The following GRM8 variants were observed in gnomAD, a reference collection of about 807,000 sequenced individuals.
GRM8 encodes glutamate metabotropic receptor 8.
Under a neutral mutation model 87.2 loss-of-function variants are expected in GRM8, and 47 were observed. The observed-to-expected ratio is 0.54, with a 90% CI of 0.43 to 0.69. The LOEUF is 0.69. GRM8 is among the 30% of genes least tolerant of loss of function. The pLI is 0.00. For synonymous variants in GRM8, 396 were observed against 404.5 expected, an observed-to-expected ratio of 0.98 and a Z score of 0.25; for missense variants, 1,019 against 1,139.2, an observed-to-expected ratio of 0.89 and a Z score of 1.52.
Position 127,211,159 on chromosome 7 carries a change from G to T in GRM8, c.510+31536C>A, listed in dbSNP as rs888456304. 5.9e-5 allele frequency among the ~76,000 whole-genome samples: 9 copies of T among 152,154 alleles called. 1 individual carries two copies. Among genetic ancestry groups the T allele is most frequent in the African/African-American group, 1.4e-4 (6 of 41,424 alleles). On this transcript the variant is annotated intron_variant, in intron 2 of 10. Transcript: ENST00000339582. Reference sequence around the variant, plus strand: ...ACCACAAGGCGAGGTCCTACAACAGGCCATTTGCAAGTTGAGGAGCAAGGA... The same window carrying T: ...ACCACAAGGCGAGGTCCTACAACAGTCCATTTGCAAGTTGAGGAGCAAGGA...
rs969365616 is a variant in GRM8, at chr7:126,471,738, G to A, written c.2431-25366C>T. On this transcript the variant is annotated intron_variant, in intron 9 of 10. Coordinates refer to ENST00000339582, the MANE Select transcript of GRM8 (RefSeq NM_000845.3). ...TCCAATTCTGTGAAGAAAGTCATTGGTAGCTTGATGGGGATGGCATTGAAT... is the reference window on the plus strand; with the variant it reads ...TCCAATTCTGTGAAGAAAGTCATTGATAGCTTGATGGGGATGGCATTGAAT... Among the ~76,000 whole-genome samples, 117 of 151,914 alleles carry A rather than the reference G, an allele frequency of 7.7e-4. 1 individual carries two copies. The highest frequency in any genetic ancestry group is 2.7e-3 in the African/African-American group (112 of 41,434).
chr7:127,146,443 A>G lies in GRM8; in HGVS notation c.511-39731T>C, dbSNP rs1587132842. 2.6e-5 allele frequency among the ~76,000 whole-genome samples: 4 copies of G among 152,184 alleles called. No individual in the cohort carries two copies. In the East Asian group the frequency reaches 5.8e-4, roughly 22 times the overall value. ...CTCCACGGCAAAAGTGAGCCTCAGA[A>G]AAAACAGTGTGGGGGTCTCATGGCT... On this transcript the variant is annotated intron_variant, in intron 2 of 10. Coordinates refer to ENST00000339582, the MANE Select transcript of GRM8 (RefSeq NM_000845.3).
At chr7:126,785,330 C>G (rs1172864082) in intron 6 of GRM8, among the ~76,000 whole-genome samples, 1 of 152,122 alleles carries the variant, frequency 6.6e-6, no homozygotes, top group Non-Finnish European at 1.5e-5. Context: ...CTTCTACTTC[C>G]TTATTGCAAT....
At chr7:127,100,683 C>A (rs1825153390) in intron 3 of GRM8, among the ~76,000 whole-genome samples, 1 of 152,152 alleles carries the variant, frequency 6.6e-6, no homozygotes, top group Admixed American at 6.5e-5. Context: ...TTTATTAAAC[C>A]ATCAGACCTC....
chr7:127,136,572 T>A (rs1237764851), intron 2 of GRM8, among the ~76,000 whole-genome samples: 1 of 151,940 alleles, frequency 6.6e-6, no homozygotes, highest in Non-Finnish European at 1.5e-5. Context: ...AAGGGATATA[T>A]TTTTTTATTC....
At chr7:126,511,071 G>A (rs999533042) in intron 9 of GRM8, 3 of 152,110 alleles carry the variant, frequency 2.0e-5, no homozygotes, top group African/African-American at 7.2e-5. Flanking sequence ...TCTACATATT[G>A]AGAAGTCTGC....
intron 9 of GRM8, among the ~76,000 whole-genome samples, chr7:126,493,363 G>C (rs1373227501): frequency 6.6e-6 from 1 of 152,044 alleles, no homozygotes; most frequent in Non-Finnish European, 1.5e-5. Context: ...AAGCAGAGCA[G>C]AGGACAGTGA....
rs543857790 is a variant in GRM8 at position 126,857,117 on chromosome 7, C to A, written c.1156+45425G>T. Among the ~76,000 whole-genome samples the A allele has an allele frequency of 2.0e-5, 3 of 152,300 alleles. No homozygotes were observed. The South Asian group carries it at 6.2e-4, about 32-fold the overall frequency. On this transcript the variant is annotated intron_variant, in intron 6 of 10. Coordinates refer to ENST00000339582, the MANE Select transcript of GRM8 (RefSeq NM_000845.3). ...TCTTAAAAATTGACATAATTACTCA[C>A]TAGAGAAACTATGCCTATTCTAGAA...
At chr7:126,540,934 T>C (rs1023302451) in intron 8 of GRM8, among the ~76,000 whole-genome samples, 2 of 152,222 alleles carry the variant, frequency 1.3e-5, no homozygotes, top group Non-Finnish European at 2.9e-5. Context: ...TCTATAAAGC[T>C]GTTATTTAAA....
intron 6 of GRM8, among the ~76,000 whole-genome samples, chr7:126,827,855 A>T (rs897257261): frequency 6.6e-6 from 1 of 152,212 alleles, no homozygotes; most frequent in Non-Finnish European, 1.5e-5. Flanking sequence ...GGTTTGTCAT[A>T]GATAGCTCTT....
At chr7:126,817,844 C>A (rs1386788338) in intron 6 of GRM8, among the ~76,000 whole-genome samples, 2 of 152,086 alleles carry the variant, frequency 1.3e-5, no homozygotes, top group Non-Finnish European at 2.9e-5. Context: ...ATGAAAATAT[C>A]ATACATTCAT....
chr7:127,067,323 A>G (rs1160096150), intron 3 of GRM8, among the ~76,000 whole-genome samples: 1 of 152,218 alleles, frequency 6.6e-6, no homozygotes, highest in Non-Finnish European at 1.5e-5. Context: ...ATCCTGTAGC[A>G]AAGGAAGCCA....
At position 126,609,411 on chromosome 7, in the gene GRM8, C is replaced by CT. The variant is rs776945544; in HGVS notation, c.1444dup (p.Ser482LysfsTer26). The CT allele has an allele frequency of 1.9e-6, 3 of 1,613,490 alleles. No homozygotes were observed. The highest frequency in any genetic ancestry group is 2.5e-6 in the Non-Finnish European group (3 of 1,179,500). On this transcript the variant is annotated frameshift_variant, in exon 8 of 11. Coordinates refer to ENST00000339582, the MANE Select transcript of GRM8 (RefSeq NM_000845.3). LOFTEE classifies it high-confidence loss of function. ...GTGGCCGATGACTTTGTACTCTGTG[C>CT]TTTTGTTGGTTATTTGATACTGGAA...
At chr7:126,985,587 C>T in intron 3 of GRM8, among the ~76,000 whole-genome samples, 1 of 151,996 alleles carries the variant, frequency 6.6e-6, no homozygotes, top group East Asian at 1.9e-4. Context: ...GAGAAGTCTC[C>T]AAAGTCAAGG....
At chr7:127,111,629 T>C (rs564432981) in intron 2 of GRM8, among the ~76,000 whole-genome samples, 1 of 152,368 alleles carries the variant, frequency 6.6e-6, no homozygotes, top group Admixed American at 6.5e-5. Flanking sequence ...TCCAAGCCAC[T>C]GTGATATCTG....
chr7:127,124,024 T>C (rs1587082574), intron 2 of GRM8, among the ~76,000 whole-genome samples: 1 of 152,142 alleles, frequency 6.6e-6, no homozygotes, highest in Non-Finnish European at 1.5e-5. Flanking sequence ...TTCAAGTCAT[T>C]AACCACATAC....
At chr7:127,215,518 C>T (rs1369991386) in intron 2 of GRM8, among the ~76,000 whole-genome samples, 1 of 152,004 alleles carries the variant, frequency 6.6e-6, no homozygotes, top group Admixed American at 6.6e-5. Flanking sequence ...TGTTGTATGG[C>T]AATTAAAACT....
At chr7:126,643,309 AAAAAAAAAAAATATATATAT>A (rs1802639856) in intron 7 of GRM8, among the ~76,000 whole-genome samples, 1 of 30,498 alleles carries the variant, frequency 3.3e-5, no homozygotes, top group Non-Finnish European at 6.4e-5. Context: ...AAAAAAAAAA[AAAAAAAAAAAATATATATAT>A]ATATATATAT....
In GRM8 at chr7:127,162,764, C is replaced by T. The variant is rs139009638; in HGVS notation, c.511-56052G>A. Among the ~76,000 whole-genome samples, 27 of 152,222 alleles carry T rather than the reference C, an allele frequency of 1.8e-4. No individual in the cohort carries two copies. In the East Asian group the frequency reaches 2.1e-3, roughly 12 times the overall value. On this transcript the variant is annotated intron_variant, in intron 2 of 10. Transcript: ENST00000339582. The stretch of plus-strand genomic sequence containing the variant: ...TAAACCTAATTGGAACACAGCAAAG[C>T]GAAACAAGTTTGAAAGGCAGTCAGA...
Sources: allele counts gnomAD v4.1 joint callset (sites outside exome capture counted in the v4.1 genomes callset), GRCh38; gene constraint gnomAD v4.1.1; transcripts MANE v1.5; gene names NCBI Gene and HGNC (gene_info 2026-07-23, HGNC 2026-07-21).